MARVELD2: variants seen among roughly 807,000 people sequenced by gnomAD.
MARVELD2 encodes the protein MARVEL domain-containing protein 2.
MARVELD2 carries 49 observed loss-of-function variants against 57.6 expected under a neutral mutation model. The ratio of observed to expected loss-of-function variants is 0.85; its 90% CI spans 0.68 to 1.08. The LOEUF (loss-of-function observed/expected upper bound fraction) is 1.08, where lower values mean the gene tolerates loss of function less well. Ranked by LOEUF, MARVELD2 falls within the 50% of genes least tolerant of loss-of-function variation. MARVELD2 has a pLI of 0.00. For missense variants in MARVELD2, 606 were observed against 701.1 expected (o/e 0.86, Z 1.53); for synonymous variants, 238 against 258.8 (o/e 0.92, Z 0.77).
intron 2 of MARVELD2, among the ~76,000 whole-genome samples, chr5:69,421,051 A>G (rs994401023): frequency 6.6e-6 from 1 of 152,184 alleles, no homozygotes. Context: ...ATTGTAATGA[A>G]CATACTCTGA....
intron 3 of MARVELD2, among the ~76,000 whole-genome samples, chr5:69,426,732 T>A (rs1766805982): frequency 6.6e-6 from 1 of 152,164 alleles, no homozygotes. Context: ...AAAGGGTCTG[T>A]CACCCAGGCT....
chr5:69,423,086 G>T (rs1766679789), intron 2 of MARVELD2, among the ~76,000 whole-genome samples: 1 of 152,062 alleles, frequency 6.6e-6, no homozygotes, highest in Admixed American at 6.6e-5. Context: ...AGTAGAGACA[G>T]GGTTTTGCCA....
rs180940809 is a variant in MARVELD2 at position 69,418,689 on chromosome 5, G to A, written c.-15-682G>A. ...AGGGGAAGGGCTGTGCATACCCTGT[G>A]TTTTAACAGACTGCCTCTCCTAGGC... On this transcript the variant is annotated intron_variant, in intron 1 of 6. Transcript: ENST00000325631. 2.6e-5 allele frequency among the ~76,000 whole-genome samples: 4 copies of A among 152,244 alleles called. No individual in the cohort carries two copies. The East Asian group carries it at 7.7e-4, about 29-fold the overall frequency.
At chr5:69,438,747 G>A (rs1293852951) in intron 5 of MARVELD2, among the ~76,000 whole-genome samples, 9 of 151,936 alleles carry the variant, frequency 5.9e-5, no homozygotes, top group African/African-American at 1.9e-4. Flanking sequence ...TTAGCTGGGC[G>A]TAGTGGCAGG....
At chr5:69,432,185 A>G (rs1298147197) in intron 3 of MARVELD2, among the ~76,000 whole-genome samples, 2 of 151,936 alleles carry the variant, frequency 1.3e-5, no homozygotes, top group African/African-American at 4.8e-5. Context: ...TAATTTTTGT[A>G]TTTTTAATAG....
chr5:69,419,038 A>G (rs1766513349), intron 1 of MARVELD2: 2 of 367,750 alleles, frequency 5.4e-6, no homozygotes, highest in South Asian at 5.9e-5. Flanking sequence ...AGCGGTCTAT[A>G]CCTCAGCCAC....
chr5:69,424,325 T>C (rs1322281445), intron 2 of MARVELD2, among the ~76,000 whole-genome samples: 3 of 152,176 alleles, frequency 2.0e-5, no homozygotes, highest in Non-Finnish European at 4.4e-5. Context: ...TAAATAAAAT[T>C]TGAGGGTAAT....
chr5:69,436,245 C>T (rs1187108757), intron 5 of MARVELD2, among the ~76,000 whole-genome samples: 1 of 152,034 alleles, frequency 6.6e-6, no homozygotes, highest in East Asian at 1.9e-4. Flanking sequence ...CCTGCAGTCC[C>T]AGCTACTTGG....
intron 2 of MARVELD2, among the ~76,000 whole-genome samples, chr5:69,420,960 A>G (rs1766610662): frequency 6.6e-6 from 1 of 152,230 alleles, no homozygotes; most frequent in South Asian, 2.1e-4. Flanking sequence ...GTTACAATTT[A>G]CTTTCTCCCA....
Position 69,442,909 on chromosome 5 carries a change from A to AGG in MARVELD2, c.*1256_*1257insGG, listed in dbSNP as rs1767367233. The AGG allele has an allele frequency of 6.6e-6, 1 of 151,012 alleles. No individual in the cohort carries two copies. Among genetic ancestry groups the AGG allele is most frequent in the Non-Finnish European group, 1.5e-5 (1 of 67,894 alleles). The allele number at this position is 151,012 out of a possible 1,614,324, so 9.4% of individuals were successfully genotyped here. A position where few individuals can be genotyped will look rare whatever the true frequency, so the allele number is the denominator to read the frequency against. Reference sequence around the variant, plus strand: ...AGTGGTGCGATCTCGGCTCACTGCAAGCTCCGCCTCCCAAGTTCACGTCAT... The same window carrying AGG: ...AGTGGTGCGATCTCGGCTCACTGCAAGGGCTCCGCCTCCCAAGTTCACGTCAT... On this transcript the variant is annotated 3_prime_UTR_variant, in exon 7 of 7. Coordinates refer to ENST00000325631, the MANE Select transcript of MARVELD2 (RefSeq NM_001038603.3).
At chr5:69,430,931 T>C (rs1171720473) in intron 3 of MARVELD2, among the ~76,000 whole-genome samples, 1 of 151,118 alleles carries the variant, frequency 6.6e-6, no homozygotes, top group African/African-American at 2.4e-5. Flanking sequence ...TTTTAATTTT[T>C]TTTTTTTAAG....
Position 69,420,366 on chromosome 5 carries a change from T to C in MARVELD2, c.981T>C (p.Asn327=). ...RGGLCYYPLF[N]TPVNAVFCRV... is the part of the protein sequence containing the mutation. ...GCCTCTGCTACTATCCGTTATTTAA[T>C]ACACCAGTGAATGCAGTGTTCTGCC... Residue 327 remains asparagine (N), a synonymous_variant, in exon 2 of 7, where the codon AAT becomes AAC. Transcript: ENST00000325631. 6.2e-7 allele frequency: 1 copy of C among 1,614,188 alleles called. No individual in the cohort carries two copies. Among genetic ancestry groups the C allele is most frequent in the African/African-American group, 1.3e-5 (1 of 75,058 alleles).
At chr5:69,426,612 C>T (rs1391790271) in intron 3 of MARVELD2, among the ~76,000 whole-genome samples, 2 of 152,018 alleles carry the variant, frequency 1.3e-5, no homozygotes, top group Admixed American at 1.3e-4. Context: ...GGATTACAGG[C>T]GTGAGTCACC....
chr5:69,430,782 C>G (rs1279780867), intron 3 of MARVELD2, among the ~76,000 whole-genome samples: 1 of 152,042 alleles, frequency 6.6e-6, no homozygotes, highest in Non-Finnish European at 1.5e-5. Context: ...GATCCACCCC[C>G]CTCGGCCTCC....
chr5:69,426,170 T>C (rs1262551059), intron 3 of MARVELD2, among the ~76,000 whole-genome samples: 1 of 151,826 alleles, frequency 6.6e-6, no homozygotes. Flanking sequence ...ATCTGTGAGA[T>C]TGCAATAATA....
At chr5:69,432,415 A>G in intron 3 of MARVELD2, 112 bp from the exon 4 acceptor site, 1 of 1,175,220 alleles carries the variant, frequency 8.5e-7, no homozygotes, top group Non-Finnish European at 1.2e-6. Context: ...TGCTAGGATT[A>G]CAGGTTTGAG....
intron 2 of MARVELD2, among the ~76,000 whole-genome samples, chr5:69,421,060 GA>G (rs1766613437): frequency 6.6e-6 from 1 of 152,078 alleles, no homozygotes; most frequent in Admixed American, 6.6e-5. Flanking sequence ...AACATACTCT[GA>G]AAACTTGCCC....
rs145370231 is a variant in MARVELD2, at chr5:69,421,029, T to A, written c.1146+498T>A. On this transcript the variant is annotated intron_variant, in intron 2 of 6. Coordinates refer to ENST00000325631, the MANE Select transcript of MARVELD2 (RefSeq NM_001038603.3). ...AACCATGTTTGATTTTTTTTAAGTA[T>A]TGAGAGATTGAATTGTAATGAACAT... 2.3e-3 allele frequency among the ~76,000 whole-genome samples: 347 copies of A among 152,318 alleles called. 3 individuals are homozygous for A. The highest frequency in any genetic ancestry group is 0.017 in the Middle Eastern group (5 of 294).
intron 3 of MARVELD2, among the ~76,000 whole-genome samples, chr5:69,429,918 G>GT (rs1234854085): frequency 6.8e-6 from 1 of 147,796 alleles, no homozygotes; most frequent in African/African-American, 2.5e-5. Context: ...TTGTTTGTTT[G>GT]TTTTTTGAGA....
Sources: allele counts gnomAD v4.1 joint callset (sites outside exome capture counted in the v4.1 genomes callset), GRCh38; gene constraint gnomAD v4.1.1; transcripts MANE v1.5; gene names NCBI Gene and HGNC (gene_info 2026-07-23, HGNC 2026-07-21).